The following SLC26A4 variants were observed in gnomAD, a reference collection of about 807,000 sequenced individuals.
SLC26A4 encodes the protein pendrin.
In SLC26A4, 93 loss-of-function variants were observed where a neutral mutation model predicts 90.4. The ratio of observed to expected loss-of-function variants is 1.03; its 90% confidence interval spans 0.87 to 1.22. The LOEUF (loss-of-function observed/expected upper bound fraction) is 1.22. Among genes scored for constraint, SLC26A4 ranks in the 50% most tolerant of loss-of-function variants. SLC26A4 has a pLI of 0.00. For synonymous variants in SLC26A4, 393 were observed against 354.6 expected, an observed-to-expected ratio of 1.11 and a Z score of -1.22; for missense variants, 1,127 against 946.2, an observed-to-expected ratio of 1.19 and a Z score of -2.51.
chr7:107,675,226 A>G, intron 6 of SLC26A4, 117 bp downstream of exon 6: 1 of 913,982 alleles, frequency 1.1e-6, no homozygotes, highest in Non-Finnish European at 1.7e-6. Context: ...AGCACTTTGG[A>G]AGGCCGAGGT....
intron 15 of SLC26A4, among the ~76,000 whole-genome samples, chr7:107,700,723 C>T (rs1056869798): frequency 6.6e-6 from 1 of 152,298 alleles, no homozygotes; most frequent in Non-Finnish European, 1.5e-5. Flanking sequence ...CAGTGTTTTT[C>T]TAAGTGAGTT....
rs938626092 is a variant in SLC26A4, at chr7:107,717,787, G to A, written c.*2341G>A. ...TGTAAAGTTGTCTTTTAAACTACTCGGATGTGTCCTTTCTGAACAAAACTA... is the reference window on the plus strand; with the variant it reads ...TGTAAAGTTGTCTTTTAAACTACTCAGATGTGTCCTTTCTGAACAAAACTA... On this transcript the variant is annotated 3_prime_UTR_variant, in exon 21 of 21. Coordinates refer to ENST00000644269, the MANE Select transcript of SLC26A4 (RefSeq NM_000441.2). The A allele has an allele frequency of 3.3e-5, 5 of 152,418 alleles. No individual in the cohort carries two copies. Among genetic ancestry groups the A allele is most frequent in the Admixed American group, 6.6e-5 (1 of 15,264 alleles). 9.4% of individuals were successfully genotyped at this position (152,418 alleles called of 1,614,324 possible).
Position 107,661,764 on chromosome 7 carries a change from G to T in SLC26A4, c.123G>T (p.Gln41His). The T allele has an allele frequency of 6.5e-7, 1 of 1,543,628 alleles. No individual in the cohort carries two copies. ...AFQQQHERRL[Q>H]ERKTLRESLA... ...AGCAACAGCACGAGCGGCGCCTGCA[G>T]GAGCGCAAGACGCTGCGGGAGAGCC... The change falls in exon 2 of 21, where the codon CAG becomes CAT. Residue 41 changes from glutamine (Q) to histidine (H), a missense_variant. Coordinates refer to ENST00000644269, the MANE Select transcript of SLC26A4 (RefSeq NM_000441.2). The surrounding 1 kb of genome is among the most constrained non-coding windows in gnomAD (Gnocchi z 5.1).
chr7:107,708,997 A>G (rs1792108048), intron 18 of SLC26A4, among the ~76,000 whole-genome samples: 1 of 151,368 alleles, frequency 6.6e-6, no homozygotes, highest in Non-Finnish European at 1.5e-5. Context: ...GCAGAGCCCA[A>G]GATGGGGATT....
intron 3 of SLC26A4, among the ~76,000 whole-genome samples, chr7:107,669,692 C>A (rs1790813336): frequency 6.6e-6 from 1 of 152,276 alleles, no homozygotes; most frequent in African/African-American, 2.4e-5. Context: ...ATGGTAGGTG[C>A]ATAATCAACT....
In SLC26A4 at chr7:107,710,213, C is replaced by T. The variant is rs777825822; in HGVS notation, c.2235+14C>T. 2 of 1,547,958 alleles carry T rather than the reference C, an allele frequency of 1.3e-6. No homozygotes were observed. The highest frequency in any genetic ancestry group is 2.2e-5 in the South Asian group (2 of 89,604). On this transcript the variant is annotated intron_variant, in intron 19 of 20. Transcript: ENST00000644269. ...ATTTTAGAAACGGTAAATATTCAAC[C>T]TTTCTACAGATGTATCTTTTCTAAA...
chr7:107,696,438 T>C (rs1206735937), intron 13 of SLC26A4, among the ~76,000 whole-genome samples: 1 of 152,190 alleles, frequency 6.6e-6, no homozygotes, highest in African/African-American at 2.4e-5. Context: ...GTTTCTTCTT[T>C]AAATGAGATG....
At chr7:107,668,326 A>T (rs1475186027) in intron 3 of SLC26A4, among the ~76,000 whole-genome samples, 1 of 152,216 alleles carries the variant, frequency 6.6e-6, no homozygotes, top group Non-Finnish European at 1.5e-5. Flanking sequence ...GATAGAGAGA[A>T]AGTGGATCGG....
At position 107,690,240 on chromosome 7, in the gene SLC26A4, A is replaced by G. The variant is rs770183190; in HGVS notation, c.1263+3A>G. On this transcript the variant is annotated splice_donor_region_variant and intron_variant, in intron 10 of 20. Coordinates refer to ENST00000644269, the MANE Select transcript of SLC26A4 (RefSeq NM_000441.2). The stretch of plus-strand genomic sequence containing the variant: ...AGAGCACTGGAGGAAAGACACAGGT[A>G]GGAACAACAGCCTTATGATATCCAT... 2.7e-6 allele frequency: 4 copies of G among 1,503,174 alleles called. No individual in the cohort carries two copies. The highest frequency in any genetic ancestry group is 3.7e-6 in the Non-Finnish European group (4 of 1,078,714). 93.1% of individuals were successfully genotyped at this position (1,503,174 alleles called of 1,614,324 possible).
rs772522003 is a variant in SLC26A4, at chr7:107,710,099, A to G, written c.2135A>G (p.Asn712Ser). The G allele has an allele frequency of 6.2e-7, 1 of 1,611,968 alleles. No homozygotes were observed. The highest frequency in any genetic ancestry group is 1.7e-5 in the Admixed American group (1 of 60,018). The change falls in exon 19 of 21, where the codon AAC becomes AGC. Residue 712 changes from asparagine (N) to serine (S), a missense_variant. Coordinates refer to ENST00000644269, the MANE Select transcript of SLC26A4 (RefSeq NM_000441.2). The part of the protein sequence containing the change: ...KLEQCGFFDD[N>S]IRKDTFFLTV... ...GAGCAATGCGGGTTCTTTGACGACA[A>G]CATTAGAAAGGACACATTCTTTTTG...
intron 6 of SLC26A4, among the ~76,000 whole-genome samples, 164 bp from the exon 7 acceptor site, chr7:107,683,038 A>G (rs1791288419): frequency 6.6e-6 from 1 of 152,080 alleles, no homozygotes; most frequent in South Asian, 2.1e-4. Context: ...ATCAACCAAC[A>G]CATTTTTATC....
In SLC26A4 at chr7:107,702,006, C is replaced by A. The variant is rs199588131; in HGVS notation, c.1983C>A (p.Asp661Glu). ...PKVPIHSLVL[D>E]CGAISFLDVV... Reference sequence around the variant, plus strand: ...TGCCAATCCATAGCCTTGTGCTTGACTGTGGAGCTATATCTTTCCTGGACG... The same window carrying A: ...TGCCAATCCATAGCCTTGTGCTTGAATGTGGAGCTATATCTTTCCTGGACG... Residue 661 changes from aspartate to glutamate, a missense_variant, in exon 17 of 21, where the codon GAC becomes GAA. Asp to Glu is a conservative substitution (Grantham distance 45). Transcript: ENST00000644269. The A allele has an allele frequency of 3.2e-5, 52 of 1,614,054 alleles. No homozygotes were observed. In the East Asian group the frequency reaches 1.1e-3, roughly 35 times the overall value.
intron 10 of SLC26A4, among the ~76,000 whole-genome samples, chr7:107,691,363 G>A (rs1040995245): frequency 6.6e-6 from 1 of 151,860 alleles, no homozygotes; most frequent in Non-Finnish European, 1.5e-5. Context: ...TTAGCCAGGT[G>A]TGGTGGTAGA....
At chr7:107,680,338 T>C (rs1408554088) in intron 6 of SLC26A4, among the ~76,000 whole-genome samples, 2 of 138,762 alleles carry the variant, frequency 1.4e-5, no homozygotes, top group African/African-American at 5.3e-5. Context: ...TATCTTATTA[T>C]ATAATGTTAT....
chr7:107,693,177 G>A lies in SLC26A4; in HGVS notation c.1264-1226G>A, dbSNP rs114275911. ...GAAGGGAAGGGATATGAAGGAAAGC[G>A]AAGAGAAGGGAGGGAAGTAGGATAT... is the stretch of plus-strand genomic sequence containing the variant. On this transcript the variant is annotated intron_variant, in intron 10 of 20. Coordinates refer to ENST00000644269, the MANE Select transcript of SLC26A4 (RefSeq NM_000441.2). The A allele has an allele frequency of 3.5e-3, 1,415 of 401,826 alleles. 12 individuals carry two copies. The highest frequency in any genetic ancestry group is 0.028 in the African/African-American group (1,284 of 46,194). The allele number at this position is 401,826 out of a possible 1,614,324, so 24.9% of individuals were successfully genotyped here.
At chr7:107,679,542 G>T (rs1204423991) in intron 6 of SLC26A4, among the ~76,000 whole-genome samples, 2 of 151,786 alleles carry the variant, frequency 1.3e-5, no homozygotes, top group African/African-American at 4.8e-5. Context: ...ATAAACACAG[G>T]TAATCCTGGG....
chr7:107,675,232 G>A (rs556691563), intron 6 of SLC26A4, 123 bp downstream of exon 6: 26 of 845,496 alleles, frequency 3.1e-5, no homozygotes, highest in East Asian at 2.3e-4. Flanking sequence ...TTGGAAGGCC[G>A]AGGTGGGCAG....
chr7:107,677,608 A>T (rs538812427), intron 6 of SLC26A4, among the ~76,000 whole-genome samples: 237 of 143,406 alleles, frequency 1.7e-3, no homozygotes, highest in Admixed American at 3.1e-3. Context: ...TTAAAAAAGA[A>T]TTTTTTTTTT....
chr7:107,687,500 T>C (rs1328012217), intron 8 of SLC26A4, among the ~76,000 whole-genome samples: 2 of 152,202 alleles, frequency 1.3e-5, no homozygotes, highest in Non-Finnish European at 1.5e-5. Flanking sequence ...TGATTCCTCA[T>C]TGAATCATAT....
Sources: allele counts gnomAD v4.1 joint callset (sites outside exome capture counted in the v4.1 genomes callset), GRCh38; gene constraint gnomAD v4.1.1; non-coding constraint Gnocchi (gnomAD v3.1); transcripts MANE v1.5; gene names NCBI Gene and HGNC (gene_info 2026-07-23, HGNC 2026-07-21).